Variants in ZMAT4 observed in about 807,000 individuals in gnomAD.
The protein encoded by ZMAT4 is zinc finger matrin-type 4.
Under a neutral mutation model 28.7 loss-of-function variants are expected in ZMAT4, and 17 were observed. The observed-to-expected ratio is 0.59, with a 90% CI of 0.41 to 0.89. The LOEUF (loss-of-function observed/expected upper bound fraction) is 0.89, where lower values mean the gene tolerates loss of function less well. ZMAT4 is among the 40% of genes least tolerant of loss of function. The pLI, the probability that ZMAT4 is intolerant of heterozygous loss-of-function variation, is 0.00. For missense variants in ZMAT4, 240 were observed against 283.8 expected (o/e 0.85, Z 1.11); for synonymous variants, 117 against 109.2 (o/e 1.07, Z -0.44).
chr8:40,813,641 T>C (rs1815416923), intron 2 of ZMAT4, among the ~76,000 whole-genome samples: 2 of 152,236 alleles, frequency 1.3e-5, no homozygotes, highest in Non-Finnish European at 2.9e-5. Flanking sequence ...GGAGCTGGCT[T>C]TAGGGCCAGA....
At chr8:40,643,010 G>A (rs1427197619) in intron 5 of ZMAT4, among the ~76,000 whole-genome samples, 2 of 152,212 alleles carry the variant, frequency 1.3e-5, no homozygotes, top group African/African-American at 4.8e-5. Flanking sequence ...CTCTTGGGAT[G>A]AAACTGGAGA....
At chr8:40,843,973 C>G (rs1300345398) in intron 1 of ZMAT4, among the ~76,000 whole-genome samples, 1 of 152,074 alleles carries the variant, frequency 6.6e-6, no homozygotes. Context: ...CACAGTGCAC[C>G]TAGAAAACGG....
chr8:40,624,753 G>T (rs1806311408), intron 5 of ZMAT4, among the ~76,000 whole-genome samples: 1 of 152,124 alleles, frequency 6.6e-6, no homozygotes, highest in Non-Finnish European at 1.5e-5. Context: ...TGCTGAAGAG[G>T]TAAAGCAAAA....
At chr8:40,567,557 C>G (rs1322362246) in intron 6 of ZMAT4, among the ~76,000 whole-genome samples, 1 of 151,884 alleles carries the variant, frequency 6.6e-6, no homozygotes, top group Non-Finnish European at 1.5e-5. Context: ...ATGGTGAAAC[C>G]CTGTCCCTAC....
chr8:40,717,210 G>C (rs1018149818), intron 3 of ZMAT4, among the ~76,000 whole-genome samples: 11 of 152,218 alleles, frequency 7.2e-5, no homozygotes, highest in African/African-American at 2.7e-4. Context: ...GAAGGACCCA[G>C]ATGGAAAGTA....
In ZMAT4 at chr8:40,542,021, C is replaced by G. The variant is rs532630469; in HGVS notation, c.675-9783G>C. On this transcript the variant is annotated intron_variant, in intron 6 of 6. Coordinates refer to ENST00000297737, the MANE Select transcript of ZMAT4 (RefSeq NM_024645.3). ...ACTGAAGGATGGAGAGGCAGAGCAG[C>G]AGGTGCAAGGGATGAGTTGGCAGAA... Among the ~76,000 whole-genome samples, 291 of 152,236 alleles carry G rather than the reference C, an allele frequency of 1.9e-3. 3 individuals carry two copies. The highest frequency in any genetic ancestry group is 6.5e-3 in the African/African-American group (272 of 41,528).
chr8:40,673,273 T>G (rs1585857354), intron 5 of ZMAT4, among the ~76,000 whole-genome samples: 1 of 152,164 alleles, frequency 6.6e-6, no homozygotes, highest in Non-Finnish European at 1.5e-5. Flanking sequence ...ACCAACATAT[T>G]AAGAAGTGAC....
intron 4 of ZMAT4, among the ~76,000 whole-genome samples, chr8:40,682,937 T>C (rs2150480834): frequency 6.6e-6 from 1 of 152,310 alleles, no homozygotes; most frequent in South Asian, 2.1e-4. Context: ...GGGATAAAAG[T>C]CCTTTTATGA....
At chr8:40,735,841 G>A (rs1011078320) in intron 3 of ZMAT4, among the ~76,000 whole-genome samples, 1 of 152,174 alleles carries the variant, frequency 6.6e-6, no homozygotes, top group African/African-American at 2.4e-5. Context: ...GTCTGGATGG[G>A]CGCTCGGGAA....
At chr8:40,642,280 A>G (rs1013431058) in intron 5 of ZMAT4, among the ~76,000 whole-genome samples, 1 of 152,190 alleles carries the variant, frequency 6.6e-6, no homozygotes, top group African/African-American at 2.4e-5. Flanking sequence ...CCTGCACCAA[A>G]TGGCGCACTG....
chr8:40,706,912 G>C (rs1321256026), intron 3 of ZMAT4, among the ~76,000 whole-genome samples: 1 of 152,120 alleles, frequency 6.6e-6, no homozygotes, highest in Non-Finnish European at 1.5e-5. Flanking sequence ...TCCCCCACTA[G>C]ACTAAGCTCC....
At chr8:40,848,771 A>G (rs1816997508) in intron 1 of ZMAT4, among the ~76,000 whole-genome samples, 1 of 152,200 alleles carries the variant, frequency 6.6e-6, no homozygotes, top group Non-Finnish European at 1.5e-5. Context: ...TACCAGTACT[A>G]TTACTCTTGG....
chr8:40,754,428 A>G (rs779877775), intron 3 of ZMAT4, among the ~76,000 whole-genome samples: 10 of 152,230 alleles, frequency 6.6e-5, no homozygotes, highest in Non-Finnish European at 1.5e-4. Context: ...ATATCTCAGT[A>G]TAAATGAGTT....
intron 5 of ZMAT4, among the ~76,000 whole-genome samples, chr8:40,607,929 G>GC (rs2118644043): frequency 6.6e-6 from 1 of 152,184 alleles, no homozygotes; most frequent in African/African-American, 2.4e-5. Flanking sequence ...CTCCAGTGGA[G>GC]GCAGCAGGGG....
chr8:40,859,364 C>T (rs1199500740), intron 1 of ZMAT4, among the ~76,000 whole-genome samples: 2 of 152,080 alleles, frequency 1.3e-5, no homozygotes, highest in Non-Finnish European at 2.9e-5. Context: ...GCCCTTTTTC[C>T]ATCCTCCTCC....
chr8:40,835,322 G>A (rs960730825), intron 1 of ZMAT4, among the ~76,000 whole-genome samples: 2 of 152,126 alleles, frequency 1.3e-5, no homozygotes, highest in African/African-American at 2.4e-5. Context: ...GTTTCCTGTC[G>A]CTCATTCCAT....
intron 3 of ZMAT4, among the ~76,000 whole-genome samples, chr8:40,762,327 C>T (rs1318587915): frequency 1.3e-5 from 2 of 152,074 alleles, no homozygotes; most frequent in African/African-American, 4.8e-5. Context: ...TATTGGTGTC[C>T]TTATAAGAAG....
At chr8:40,534,009 A>G (rs937174220) in intron 6 of ZMAT4, among the ~76,000 whole-genome samples, 7 of 152,228 alleles carry the variant, frequency 4.6e-5, no homozygotes, top group Admixed American at 2.6e-4. Flanking sequence ...ACGTAACAGT[A>G]AGAAGACCAA....
intron 5 of ZMAT4, among the ~76,000 whole-genome samples, chr8:40,607,047 C>T (rs1217386024): frequency 6.6e-6 from 1 of 150,862 alleles, no homozygotes; most frequent in Admixed American, 6.6e-5. Flanking sequence ...TCCTTTATTT[C>T]CAGAAGGTGT....
Sources: allele counts gnomAD v4.1 joint callset (sites outside exome capture counted in the v4.1 genomes callset), GRCh38; gene constraint gnomAD v4.1.1; transcripts MANE v1.5; gene names NCBI Gene and HGNC (gene_info 2026-07-23, HGNC 2026-07-21).